The following DYNC1I1 variants were observed in gnomAD, a reference collection of about 807,000 sequenced individuals.
DYNC1I1 encodes the protein cytoplasmic dynein 1 intermediate chain 1.
In DYNC1I1, 43 loss-of-function variants were observed where a neutral mutation model predicts 86.6. The ratio of observed to expected loss-of-function variants is 0.50; its 90% confidence interval spans 0.39 to 0.64. DYNC1I1 has a LOEUF of 0.64. Ranked by LOEUF, DYNC1I1 falls within the 30% of genes least tolerant of loss-of-function variation. The probability of loss-of-function intolerance (pLI) is 0.00; values close to 1 mark genes in which losing one functional copy is unlikely to be tolerated. For missense variants in DYNC1I1, 604 were observed against 788.8 expected, an observed-to-expected ratio of 0.77 and a Z score of 2.81; for synonymous variants, 262 against 283.7, an observed-to-expected ratio of 0.92 and a Z score of 0.77.
intron 6 of DYNC1I1, among the ~76,000 whole-genome samples, chr7:95,966,964 G>A (rs1375875574): frequency 2.0e-5 from 3 of 152,178 alleles, no homozygotes; most frequent in South Asian, 4.1e-4. Context: ...TTGATGCTGA[G>A]TGAGGAGATT....
rs10246295 is a variant in DYNC1I1, at chr7:95,781,976, A to C, written c.-10+9203A>C. Among the ~76,000 whole-genome samples, 563 of 152,188 alleles carry C rather than the reference A, an allele frequency of 3.7e-3. 4 individuals carry two copies. The highest frequency in any genetic ancestry group is 0.013 in the African/African-American group (543 of 41,482). ...GCAACAAAAAATAACTGCCAACCTCAGTGGACCAACACAACAAAAAAATTT... is the reference window on the plus strand; with the variant it reads ...GCAACAAAAAATAACTGCCAACCTCCGTGGACCAACACAACAAAAAAATTT... On this transcript the variant is annotated intron_variant, in intron 1 of 16. Transcript: ENST00000447467.
intron 6 of DYNC1I1, among the ~76,000 whole-genome samples, chr7:95,917,301 C>T (rs975636265): frequency 2.2e-4 from 33 of 152,112 alleles, no homozygotes; most frequent in African/African-American, 7.7e-4. Context: ...GCTTTCTCTC[C>T]TTTCAGGCAG....
intron 1 of DYNC1I1, among the ~76,000 whole-genome samples, chr7:95,790,389 T>A (rs905665742): frequency 1.3e-5 from 2 of 152,160 alleles, no homozygotes; most frequent in African/African-American, 4.8e-5. Flanking sequence ...GTCATTCTTC[T>A]TACCTCCCAC....
chr7:95,818,803 A>G (rs1795009065), intron 4 of DYNC1I1: 1 of 324,760 alleles, frequency 3.1e-6, no homozygotes, highest in South Asian at 1.5e-4. Flanking sequence ...TATGTATGTC[A>G]TCATATATAA....
intron 6 of DYNC1I1, among the ~76,000 whole-genome samples, chr7:95,901,338 G>T (rs1419440617): frequency 6.6e-6 from 1 of 152,230 alleles, no homozygotes; most frequent in Non-Finnish European, 1.5e-5. Flanking sequence ...AGTACAGGCT[G>T]TAGTAAAAGG....
intron 4 of DYNC1I1, chr7:95,818,722 A>G (rs1432964576): frequency 1.2e-5 from 5 of 426,988 alleles, no homozygotes; most frequent in Non-Finnish European, 2.1e-5. Context: ...CAAAAATAAC[A>G]AAATAAAAAC....
chr7:96,025,668 A>G (rs1439008070), intron 10 of DYNC1I1, among the ~76,000 whole-genome samples: 2 of 152,092 alleles, frequency 1.3e-5, no homozygotes, highest in Non-Finnish European at 2.9e-5. Flanking sequence ...TAAGTGTTGG[A>G]TGAATGAATG....
At chr7:95,927,881 C>G (rs1233151221) in intron 6 of DYNC1I1, among the ~76,000 whole-genome samples, 3 of 152,130 alleles carry the variant, frequency 2.0e-5, no homozygotes, top group Non-Finnish European at 2.9e-5. Context: ...GTGGTTCACG[C>G]TAGTTATTTG....
At chr7:95,998,826 T>A (rs1487079355) in intron 10 of DYNC1I1, among the ~76,000 whole-genome samples, 61 of 152,316 alleles carry the variant, frequency 4.0e-4, no homozygotes, top group African/African-American at 1.2e-3. Flanking sequence ...ATTGTGTCAG[T>A]CAGTGGAAAG....
chr7:96,100,355 C>T (rs568194017), downstream of DYNC1I1, among the ~76,000 whole-genome samples: 1 of 149,544 alleles, frequency 6.7e-6, no homozygotes, highest in East Asian at 2.0e-4. Flanking sequence ...TCCTTCCTTC[C>T]TTTCCTTCCT....
At chr7:96,070,346 G>T (rs1584296559) in intron 14 of DYNC1I1, among the ~76,000 whole-genome samples, 3 of 152,060 alleles carry the variant, frequency 2.0e-5, no homozygotes, top group Admixed American at 2.0e-4. Context: ...CTGAAGTTTT[G>T]GGGTCCTTTG....
chr7:95,939,353 A>G (rs1792136864), intron 6 of DYNC1I1, among the ~76,000 whole-genome samples: 1 of 152,148 alleles, frequency 6.6e-6, no homozygotes, highest in African/African-American at 2.4e-5. Context: ...GGGTATCCTT[A>G]TTAACTTTCT....
intron 6 of DYNC1I1, among the ~76,000 whole-genome samples, chr7:95,883,068 C>T (rs1054716801): frequency 2.0e-5 from 3 of 152,158 alleles, no homozygotes; most frequent in Non-Finnish European, 4.4e-5. Flanking sequence ...ACTCAAATTA[C>T]TTGATCAATT....
At chr7:95,802,461 T>A (rs1300862894) in intron 1 of DYNC1I1, among the ~76,000 whole-genome samples, 1 of 152,160 alleles carries the variant, frequency 6.6e-6, no homozygotes, top group East Asian at 1.9e-4. Context: ...TTATTTCTAG[T>A]TTTTGCTCCA....
intron 6 of DYNC1I1, among the ~76,000 whole-genome samples, chr7:95,879,928 T>C (rs1450504078): frequency 6.6e-6 from 1 of 152,168 alleles, no homozygotes; most frequent in Admixed American, 6.5e-5. Flanking sequence ...TTTGGTCTAT[T>C]TATACTAACG....
intron 9 of DYNC1I1, among the ~76,000 whole-genome samples, chr7:95,993,209 G>C (rs1200341135): frequency 1.3e-5 from 2 of 152,144 alleles, no homozygotes; most frequent in Non-Finnish European, 2.9e-5. Context: ...CCAAAAACTT[G>C]CGTGAGATAA....
intron 1 of DYNC1I1, among the ~76,000 whole-genome samples, chr7:95,779,631 A>G (rs1056061975): frequency 6.6e-6 from 1 of 152,166 alleles, no homozygotes; most frequent in Non-Finnish European, 1.5e-5. Context: ...TTTCTCCTAG[A>G]CTTTAGGCTC....
At chr7:95,951,666 A>G (rs1328557646) in intron 6 of DYNC1I1, among the ~76,000 whole-genome samples, 3 of 152,256 alleles carry the variant, frequency 2.0e-5, no homozygotes, top group Admixed American at 6.5e-5. Context: ...GAAATGGGAA[A>G]GAAACATTTT....
chr7:95,968,561 C>T (rs556797562), intron 6 of DYNC1I1, among the ~76,000 whole-genome samples: 16 of 152,284 alleles, frequency 1.1e-4, no homozygotes, highest in African/African-American at 3.6e-4. Context: ...GACAGATCTA[C>T]AGTCACTCCT....
Sources: allele counts gnomAD v4.1 joint callset (sites outside exome capture counted in the v4.1 genomes callset), GRCh38; gene constraint gnomAD v4.1.1; transcripts MANE v1.5; gene names NCBI Gene and HGNC (gene_info 2026-07-23, HGNC 2026-07-21).